MYRFL: variants seen among roughly 807,000 people sequenced by gnomAD.
MYRFL encodes myelin regulatory factor-like protein.
MYRFL carries 88 observed loss-of-function variants against 109.4 expected under a neutral mutation model. The observed-to-expected ratio is 0.80, with a 90% confidence interval of 0.68 to 0.96. MYRFL has a LOEUF of 0.96. Among genes scored for constraint, MYRFL ranks in the 40% least tolerant of loss-of-function variants. The pLI is 0.00. For synonymous variants in MYRFL, 324 were observed against 320.9 expected (o/e 1.01, Z -0.10); for missense variants, 957 against 954.9 (o/e 1.00, Z -0.03).
intron 12 of MYRFL, 36 bp downstream of exon 12, chr12:69,910,113 C>A: frequency 7.4e-7 from 1 of 1,354,616 alleles, no homozygotes; most frequent in Non-Finnish European, 9.9e-7. Flanking sequence ...TTTTGTATTG[C>A]CAACTATTAA....
In MYRFL at chr12:69,952,874, G is replaced by A. The variant is rs753127626; in HGVS notation, c.2363G>A (p.Ser788Asn). ...ATAGATCATCAGTATTGCATTCAAAGCCTCCAGTGCGGGTAGGTAAGCCTC... is the reference window on the plus strand; with the variant it reads ...ATAGATCATCAGTATTGCATTCAAAACCTCCAGTGCGGGTAGGTAAGCCTC... ...QIIDHQYCIQ[S>N]LQCGSGNYNY... is the part of the protein sequence containing the mutation. Residue 788 changes from serine to asparagine, a missense_variant, in exon 21 of 25, where the codon AGC (serine) becomes AAC (asparagine). Transcript: ENST00000552032. 6.5e-7 allele frequency: 1 copy of A among 1,534,912 alleles called. No individual in the cohort carries two copies. The highest frequency in any genetic ancestry group is 1.2e-5 in the South Asian group (1 of 83,888).
chr12:69,947,680 G>A (rs542130168), intron 19 of MYRFL, among the ~76,000 whole-genome samples: 1 of 152,276 alleles, frequency 6.6e-6, no homozygotes, highest in Admixed American at 6.5e-5. Flanking sequence ...TAAAAATCTG[G>A]AATTCATGCT....
intron 5 of MYRFL, among the ~76,000 whole-genome samples, chr12:69,880,951 G>GGTTTTTTTTTTTTTTT (rs1555246956): frequency 1.3e-4 from 15 of 112,632 alleles, no homozygotes; most frequent in East Asian, 2.9e-4. Flanking sequence ...CAGCCTTCCT[G>GGTTTTTTTTTTTTTTT]TTTTTTTTTT....
intron 1 of MYRFL, among the ~76,000 whole-genome samples, chr12:69,847,583 TC>T (rs1883633364): frequency 1.3e-5 from 2 of 152,198 alleles, no homozygotes; most frequent in Admixed American, 1.3e-4. Context: ...GCATTTGTTA[TC>T]CAGACACATA....
chr12:69,926,623 C>CT lies in MYRFL; in HGVS notation c.1656dup (p.Asn553Ter). On this transcript the variant is annotated frameshift_variant, in exon 14 of 25. Coordinates refer to ENST00000552032, the MANE Select transcript of MYRFL (RefSeq NM_182530.3). LOFTEE classifies it high-confidence loss of function. ...GCAGTGAAGCAACTGTGCAAACTAA[C>CT]TAACAACCTTGAGGAAAGAATAGAA... 6.5e-7 allele frequency: 1 copy of CT among 1,528,650 alleles called. No homozygotes were observed. Among genetic ancestry groups the CT allele is most frequent in the Non-Finnish European group, 8.8e-7 (1 of 1,142,788 alleles). 94.7% of individuals were successfully genotyped at this position (1,528,650 alleles called of 1,614,324 possible). A position where few individuals can be genotyped will look rare whatever the true frequency, so the allele number is the denominator to read the frequency against.
chr12:69,837,813 A>G (rs1240252445), intron 1 of MYRFL, among the ~76,000 whole-genome samples: 1 of 152,106 alleles, frequency 6.6e-6, no homozygotes, highest in African/African-American at 2.4e-5. Context: ...GTGTGTTTCC[A>G]CAGTACTTTG....
intron 19 of MYRFL, among the ~76,000 whole-genome samples, chr12:69,943,088 A>G (rs1423693423): frequency 6.6e-6 from 1 of 151,568 alleles, no homozygotes; most frequent in African/African-American, 2.4e-5. Flanking sequence ...AATCAATATC[A>G]TGAAAATGGC....
At chr12:69,856,957 G>A (rs1355195505) in intron 2 of MYRFL, among the ~76,000 whole-genome samples, 2 of 151,716 alleles carry the variant, frequency 1.3e-5, no homozygotes, top group Non-Finnish European at 3.0e-5. Flanking sequence ...AAGAAGTATA[G>A]ACTTTACCTA....
At chr12:69,836,194 G>A (rs920857359) in intron 1 of MYRFL, among the ~76,000 whole-genome samples, 11 of 152,302 alleles carry the variant, frequency 7.2e-5, no homozygotes, top group Admixed American at 3.3e-4. Flanking sequence ...CCGGCATGCC[G>A]GTGTGGGTCC....
chr12:69,923,344 C>T (rs541221112), intron 13 of MYRFL, among the ~76,000 whole-genome samples: 2 of 152,262 alleles, frequency 1.3e-5, no homozygotes, highest in South Asian at 2.1e-4. Context: ...TTAGAGACTA[C>T]AATGAGGAGT....
chr12:69,958,615 TTTC>T lies in MYRFL; in HGVS notation c.*90_*92del. 2.9e-6 allele frequency: 3 copies of T among 1,033,078 alleles called. No individual in the cohort carries two copies. In the East Asian group the frequency reaches 8.1e-5, roughly 28 times the overall value. 64.0% of individuals were successfully genotyped at this position (1,033,078 alleles called of 1,614,324 possible). On this transcript the variant is annotated 3_prime_UTR_variant, in exon 25 of 25. Transcript: ENST00000552032. ...ACGAACATCCTCTTGCAACTTCTTT[TTTC>T]TTCTTTGTAAAACATTTACGTTTAT...
chr12:69,934,647 G>T (rs1287109859), intron 16 of MYRFL, among the ~76,000 whole-genome samples: 8 of 152,158 alleles, frequency 5.3e-5, no homozygotes, highest in Non-Finnish European at 1.5e-5. Flanking sequence ...AAAGAAAACA[G>T]CTCTCAGCAA....
At chr12:69,858,819 T>G (rs1001635913) in intron 2 of MYRFL, among the ~76,000 whole-genome samples, 1 of 151,924 alleles carries the variant, frequency 6.6e-6, no homozygotes, top group African/African-American at 2.4e-5. Context: ...TTCTCTATTA[T>G]GTTTGTTTTC....
At chr12:69,829,709 A>G (rs1439656253) in intron 1 of MYRFL, among the ~76,000 whole-genome samples, 1 of 152,176 alleles carries the variant, frequency 6.6e-6, no homozygotes, top group Non-Finnish European at 1.5e-5. Context: ...GGTGAATAGA[A>G]CAGAGATGTT....
chr12:69,936,366 C>T (rs1424072662), intron 18 of MYRFL, 31 bp downstream of exon 18: 23 of 1,534,952 alleles, frequency 1.5e-5, no homozygotes, highest in Non-Finnish European at 1.9e-5. Context: ...ACCCTCAAAC[C>T]CGGTTTCAAG....
At chr12:69,830,659 T>C (rs1882576998) in intron 1 of MYRFL, among the ~76,000 whole-genome samples, 1 of 152,086 alleles carries the variant, frequency 6.6e-6, no homozygotes, top group Non-Finnish European at 1.5e-5. Context: ...TAGGATTATC[T>C]GAACATTTCT....
intron 10 of MYRFL, among the ~76,000 whole-genome samples, chr12:69,899,436 C>T (rs898054005): frequency 1.3e-5 from 2 of 151,496 alleles, no homozygotes; most frequent in Admixed American, 1.3e-4. Context: ...AGAGGGCAGA[C>T]CAGCCAACAT....
intron 2 of MYRFL, among the ~76,000 whole-genome samples, chr12:69,859,969 T>C (rs1046444670): frequency 2.6e-5 from 4 of 152,144 alleles, no homozygotes; most frequent in Admixed American, 1.3e-4. Flanking sequence ...CAGAGGTACA[T>C]ATGCAGGATG....
chr12:69,842,346 T>TC (rs755217180), intron 1 of MYRFL, among the ~76,000 whole-genome samples: 1 of 152,218 alleles, frequency 6.6e-6, no homozygotes, highest in Non-Finnish European at 1.5e-5. Flanking sequence ...AAAGTTCTTA[T>TC]CATAATACAC....
Sources: gnomAD v4.1 joint callset for allele counts (sites outside exome capture counted in the v4.1 genomes callset) on GRCh38, gnomAD v4.1.1 for gene constraint, MANE v1.5 for transcripts, NCBI Gene and HGNC (gene_info 2026-07-23, HGNC 2026-07-21) for gene names.